Variants in USP20 observed in about 807,000 individuals in gnomAD.
USP20 encodes ubiquitin specific peptidase 20, also known as ubiquitin carboxyl-terminal hydrolase 20.
Under a neutral mutation model 124.2 loss-of-function variants are expected in USP20, and 80 were observed. The observed-to-expected ratio is 0.64, with a 90% CI of 0.54 to 0.78. USP20 has a LOEUF of 0.78. USP20 is among the 30% of genes least tolerant of loss of function. The probability of loss-of-function intolerance (pLI) is 0.00; values close to 1 mark genes in which losing one functional copy is unlikely to be tolerated. For missense variants in USP20, 1,043 were observed against 1,244.4 expected (o/e 0.84, Z 2.44); for synonymous variants, 481 against 512.3 (o/e 0.94, Z 0.83).
chr9:129,851,528 C>T (rs1428565990), intron 2 of USP20, among the ~76,000 whole-genome samples: 2 of 149,448 alleles, frequency 1.3e-5, no homozygotes, highest in African/African-American at 5.1e-5. Context: ...CATGTGTGTT[C>T]AGTTATTTGC....
At position 129,861,015 on chromosome 9, in the gene USP20, G is replaced by C. The variant is rs2033517191; in HGVS notation, c.409G>C (p.Asp137His). The change falls in exon 7 of 26, where the codon GAT (aspartate) becomes CAT (histidine). Residue 137 changes from aspartate (D) to histidine (H), a missense_variant. By Grantham distance (81) the Asp-to-His change is moderately conservative. Transcript: ENST00000372429. The stretch of plus-strand genomic sequence containing the variant: ...TGAAGGAGAGTCTGAGTCAGAGGAC[G>C]ATGACCTGAAACCTCGAGGTAATGG... ...ADEGESESEDDDLKPRGLTGM... is the reference protein window; with the variant it reads ...ADEGESESEDHDLKPRGLTGM... 3 of 1,601,860 alleles carry C rather than the reference G, an allele frequency of 1.9e-6. No individual in the cohort carries two copies. The highest frequency in any genetic ancestry group is 1.7e-5 in the Admixed American group (1 of 59,572).
chr9:129,870,264 T>G (rs55762976), intron 14 of USP20, 189 bp from the exon 15 acceptor site: 9,613 of 607,706 alleles, frequency 0.016, 119 homozygotes, highest in East Asian at 0.024. Context: ...GGAGAGATGA[T>G]GTCACTCGGC....
rs2034043775 is a variant in USP20, at chr9:129,870,146, C to T, written c.1565+302C>T. 8 of 561,628 alleles carry T rather than the reference C, an allele frequency of 1.4e-5. No individual in the cohort carries two copies. In the South Asian group the frequency reaches 1.5e-4, roughly 11 times the overall value. The allele number at this position is 561,628 out of a possible 1,614,324, so 34.8% of individuals were successfully genotyped here. A position where few individuals can be genotyped will look rare whatever the true frequency, so the allele number is the denominator to read the frequency against. ...CAGGCCTGGTTGGCGGGAAGGGCAGCAGCTTTCCCAGGGCTGCCTCTCCTG... is the reference window on the plus strand; with the variant it reads ...CAGGCCTGGTTGGCGGGAAGGGCAGTAGCTTTCCCAGGGCTGCCTCTCCTG... On this transcript the variant is annotated intron_variant, in intron 14 of 25. Coordinates refer to ENST00000372429, the MANE Select transcript of USP20 (RefSeq NM_001110303.4).
At position 129,878,439 on chromosome 9, in the gene USP20, C is replaced by A; in HGVS notation, c.2511C>A (p.Asn837Lys). 6.2e-7 allele frequency: 1 copy of A among 1,603,500 alleles called. No individual in the cohort carries two copies. The highest frequency in any genetic ancestry group is 8.5e-7 in the Non-Finnish European group (1 of 1,173,990). ...EWEAFVKGKD[N>K]EPPGPIDNSR... ...AGGCGTTCGTCAAGGGGAAGGACAA[C>A]GGTGAGCTGAGGGGGGACCTGGCAC... is the stretch of plus-strand genomic sequence containing the variant. The change falls in exon 23 of 26, where the codon AAC becomes AAA. Residue 837 changes from asparagine to lysine, a missense_variant and splice_region_variant. Physicochemically the swap from Asn to Lys is moderately conservative, Grantham distance 94. Coordinates refer to ENST00000372429, the MANE Select transcript of USP20 (RefSeq NM_001110303.4).
chr9:129,836,602 C>G (rs1184824764), intron 1 of USP20, among the ~76,000 whole-genome samples: 1 of 152,174 alleles, frequency 6.6e-6, no homozygotes, highest in East Asian at 1.9e-4. Flanking sequence ...TCTGGAAGAC[C>G]ATTCCGAAGC....
chr9:129,840,819 G>A (rs1339100593), intron 1 of USP20, among the ~76,000 whole-genome samples: 2 of 141,260 alleles, frequency 1.4e-5, no homozygotes, highest in East Asian at 4.4e-4. Flanking sequence ...CACCCAGGCT[G>A]GAGTGCAGTG....
intron 3 of USP20, among the ~76,000 whole-genome samples, chr9:129,855,582 G>A (rs548493887): frequency 2.3e-4 from 35 of 152,150 alleles, no homozygotes; most frequent in Non-Finnish European, 3.4e-4. Flanking sequence ...CCACATTCCA[G>A]CCAATGGTAG....
Position 129,873,490 on chromosome 9 carries a change from A to G in USP20, c.1669A>G (p.Met557Val), listed in dbSNP as rs772635052. 11 of 1,614,006 alleles carry G rather than the reference A, an allele frequency of 6.8e-6. No homozygotes were observed. In the African/African-American group the frequency reaches 1.5e-4, roughly 22 times the overall value. Reference sequence around the variant, plus strand: ...TTGTTTTACTGCCCTAGGTGACAACATGTACAGCTGTGAGCGGTGTAAGAA... The same window carrying G: ...TTGTTTTACTGCCCTAGGTGACAACGTGTACAGCTGTGAGCGGTGTAAGAA... ...FAADELKGDN[M>V]YSCERCKKLR... is the part of the protein sequence containing the mutation. Residue 557 changes from methionine (M) to valine (V), a missense_variant, in exon 16 of 26, where the codon ATG (methionine) becomes GTG (valine). Physicochemically the swap from Met to Val is conservative, Grantham distance 21. Transcript: ENST00000372429.
At chr9:129,869,281 G>A (rs372149819) in intron 12 of USP20, 29 bp from the exon 13 acceptor site, 15 of 1,593,796 alleles carry the variant, frequency 9.4e-6, no homozygotes, top group East Asian at 2.2e-5. Flanking sequence ...GCAGGTGGAG[G>A]CTGGGCTAGT....
rs1444371132 is a variant in USP20 at position 129,835,508 on chromosome 9, C to T, written c.-129+9C>T. The T allele has an allele frequency of 3.2e-6, 1 of 312,308 alleles. No individual in the cohort carries two copies. The highest frequency in any genetic ancestry group is 5.9e-5 in the South Asian group (1 of 16,924). 19.3% of individuals were successfully genotyped at this position (312,308 alleles called of 1,614,324 possible). ...CGCAGTTGCGAGTGCAGGTGAGTTC[C>T]GGGCCGCCACCGGCTGCTTCTGTGG... On this transcript the variant is annotated intron_variant, in intron 1 of 25. Transcript: ENST00000372429.
chr9:129,850,777 T>C (rs1268314835), intron 2 of USP20, among the ~76,000 whole-genome samples: 3 of 152,136 alleles, frequency 2.0e-5, no homozygotes, highest in Non-Finnish European at 4.4e-5. Context: ...TGCCTCAGCC[T>C]CCTGAGTAGC....
rs757777838 is a variant in USP20, at chr9:129,875,460, C to T, written c.2199C>T (p.Thr733=). 15 of 1,613,258 alleles carry T rather than the reference C, an allele frequency of 9.3e-6. No homozygotes were observed. Among genetic ancestry groups the T allele is most frequent in the Middle Eastern group, 1.6e-4 (1 of 6,074 alleles). ...FAEPGPITNQ[T]FLCSHGGIPP... Reference sequence around the variant, plus strand: ...AGCCAGGCCCCATCACCAACCAGACCTTCCTCTGCTCCCACGGAGGTGAGG... The same window carrying T: ...AGCCAGGCCCCATCACCAACCAGACTTTCCTCTGCTCCCACGGAGGTGAGG... The change falls in exon 20 of 26, where the codon ACC becomes ACT. Residue 733 remains threonine (T), a synonymous_variant. Coordinates refer to ENST00000372429, the MANE Select transcript of USP20 (RefSeq NM_001110303.4).
chr9:129,877,358 A>G (rs930588503), intron 22 of USP20, among the ~76,000 whole-genome samples: 1 of 151,960 alleles, frequency 6.6e-6, no homozygotes, highest in African/African-American at 2.4e-5. Flanking sequence ...ATCTCTACAA[A>G]CAATACAAAA....
At chr9:129,843,462 G>T (rs1308852244) in intron 1 of USP20, among the ~76,000 whole-genome samples, 1 of 151,626 alleles carries the variant, frequency 6.6e-6, no homozygotes, top group Non-Finnish European at 1.5e-5. Context: ...CAGTCTGGTC[G>T]CAGTGACTCA....
At chr9:129,854,212 ATTACCGTAACTT>A (rs2033094477) in intron 3 of USP20, among the ~76,000 whole-genome samples, 1 of 152,226 alleles carries the variant, frequency 6.6e-6, no homozygotes, top group African/African-American at 2.4e-5. Flanking sequence ...AGGGCTAGGA[ATTACCGTAACTT>A]TTAGGGAAAC....
intron 1 of USP20, among the ~76,000 whole-genome samples, chr9:129,848,217 A>G (rs2032697201): frequency 6.6e-6 from 1 of 151,878 alleles, no homozygotes; most frequent in South Asian, 2.1e-4. Flanking sequence ...AATTGCTTGA[A>G]CCCGGGAGGC....
intron 23 of USP20, 95 bp downstream of exon 23, chr9:129,878,535 A>C (rs1344164086): frequency 9.5e-6 from 11 of 1,151,870 alleles, no homozygotes; most frequent in East Asian, 2.6e-5. Context: ...GGGCTCCTGC[A>C]GGCCCCATGC....
In USP20 at chr9:129,874,766, GT is replaced by G. The variant is rs1160066080; in HGVS notation, c.1921+11del. On this transcript the variant is annotated intron_variant, in intron 18 of 25. Coordinates refer to ENST00000372429, the MANE Select transcript of USP20 (RefSeq NM_001110303.4). ...CACGGCACGGCAGGCAGTGAGTCAT[GT>G]CCCCTCCCCTGCCGTCCCCATCCGC... is the stretch of plus-strand genomic sequence containing the variant. The G allele has an allele frequency of 6.2e-7, 1 of 1,613,570 alleles. No homozygotes were observed. The highest frequency in any genetic ancestry group is 8.5e-7 in the Non-Finnish European group (1 of 1,179,926).
At chr9:129,855,651 T>C (rs1201088127) in intron 3 of USP20, among the ~76,000 whole-genome samples, 1 of 152,138 alleles carries the variant, frequency 6.6e-6, no homozygotes, top group Non-Finnish European at 1.5e-5. Context: ...TTTTTGCTAG[T>C]TTGACTAGAA....
Sources: gnomAD v4.1 joint callset for allele counts (sites outside exome capture counted in the v4.1 genomes callset) on GRCh38, gnomAD v4.1.1 for gene constraint, MANE v1.5 for transcripts, NCBI Gene and HGNC (gene_info 2026-07-23, HGNC 2026-07-21) for gene names.